NECTIN3: variants seen among roughly 807,000 people sequenced by gnomAD.
The protein encoded by NECTIN3 is nectin-3.
In NECTIN3, 8 loss-of-function variants were observed where a neutral mutation model predicts 49.4. The ratio of observed to expected loss-of-function variants is 0.16; its 90% CI spans 0.10 to 0.29. NECTIN3 has a LOEUF of 0.29. Ranked by LOEUF, NECTIN3 falls within the 10% of genes least tolerant of loss-of-function variation. The probability of loss-of-function intolerance (pLI) is 1.00; values close to 1 mark genes in which losing one functional copy is unlikely to be tolerated. For missense variants in NECTIN3, 581 were observed against 654.6 expected, an observed-to-expected ratio of 0.89 and a Z score of 1.23; for synonymous variants, 277 against 241.1, an observed-to-expected ratio of 1.15 and a Z score of -1.38.
At chr3:111,149,196 G>A (rs1350295134) in intron 7 of NECTIN3, among the ~76,000 whole-genome samples, 2 of 151,940 alleles carry the variant, frequency 1.3e-5, no homozygotes, top group Non-Finnish European at 2.9e-5. Context: ...GTATTGCTAT[G>A]TCTTTCTCTT....
chr3:111,186,965 G>A (rs1002439052), intron 7 of NECTIN3, among the ~76,000 whole-genome samples: 2 of 152,150 alleles, frequency 1.3e-5, no homozygotes, highest in Non-Finnish European at 2.9e-5. Context: ...CATATGTACA[G>A]TATTATTTAA....
At position 111,137,187 on chromosome 3, in the gene NECTIN3, T is replaced by C; in HGVS notation, c.*2972T>C. ...TGATAAATACTGCTAAAACACAGTA[T>C]ATGAACAAGTAAGAAGTTTATGTAT... On this transcript the variant is annotated 3_prime_UTR_variant, in exon 6 of 6. Transcript: ENST00000485303. The C allele has an allele frequency of 1.1e-6, 1 of 935,954 alleles. No homozygotes were observed. The highest frequency in any genetic ancestry group is 4.9e-5 in the South Asian group (1 of 20,222). The allele number at this position is 935,954 out of a possible 1,614,324, so 58.0% of individuals were successfully genotyped here.
chr3:111,154,451 G>A (rs1178063835), intron 7 of NECTIN3, among the ~76,000 whole-genome samples: 1 of 152,048 alleles, frequency 6.6e-6, no homozygotes, highest in East Asian at 1.9e-4. Context: ...AAACAAAGTT[G>A]CTATGAACAT....
At chr3:111,081,955 C>T (rs990403025) in intron 1 of NECTIN3, among the ~76,000 whole-genome samples, 2 of 152,122 alleles carry the variant, frequency 1.3e-5, no homozygotes, top group Admixed American at 1.3e-4. Context: ...TTGTATAGCT[C>T]TGGCAGAAAT....
chr3:111,151,941 T>C (rs1395198270), intron 7 of NECTIN3, among the ~76,000 whole-genome samples: 1 of 151,606 alleles, frequency 6.6e-6, no homozygotes, highest in African/African-American at 2.4e-5. Context: ...TCTTTAAGCA[T>C]AGACAAGAAA....
intron 1 of NECTIN3, among the ~76,000 whole-genome samples, chr3:111,100,561 A>G (rs2032846711): frequency 6.6e-6 from 1 of 152,126 alleles, no homozygotes; most frequent in Non-Finnish European, 1.5e-5. Flanking sequence ...AGAAAAAAAC[A>G]GCCAAAATTT....
At chr3:111,172,851 C>A (rs2035459112) in intron 7 of NECTIN3, among the ~76,000 whole-genome samples, 2 of 152,134 alleles carry the variant, frequency 1.3e-5, no homozygotes, top group African/African-American at 4.8e-5. Flanking sequence ...TTGTGTTCTA[C>A]CCTATATTAT....
At chr3:111,185,054 CT>C (rs1184926854) in intron 7 of NECTIN3, among the ~76,000 whole-genome samples, 2 of 152,198 alleles carry the variant, frequency 1.3e-5, no homozygotes, top group African/African-American at 4.8e-5. Flanking sequence ...AGCAAATTTT[CT>C]TTCTCCAACA....
chr3:111,084,482 G>T (rs978517514), intron 1 of NECTIN3, among the ~76,000 whole-genome samples: 2 of 152,146 alleles, frequency 1.3e-5, no homozygotes, highest in African/African-American at 4.8e-5. Flanking sequence ...AAGACTAGCC[G>T]ATAAAGAACA....
intron 1 of NECTIN3, among the ~76,000 whole-genome samples, chr3:111,082,906 A>G (rs988347570): frequency 4.5e-4 from 68 of 152,142 alleles, no homozygotes; most frequent in African/African-American, 1.6e-3. Context: ...AGATTCTTGT[A>G]AGGAGTGCAC....
intron 7 of NECTIN3, among the ~76,000 whole-genome samples, chr3:111,151,367 A>G (rs190469631): frequency 3.9e-5 from 6 of 151,912 alleles, no homozygotes; most frequent in Non-Finnish European, 7.4e-5. Flanking sequence ...CACAGATACT[A>G]TATTTCAGTA....
intron 7 of NECTIN3, among the ~76,000 whole-genome samples, chr3:111,164,607 A>C (rs1384898627): frequency 1.3e-5 from 2 of 152,204 alleles, no homozygotes; most frequent in Admixed American, 1.3e-4. Flanking sequence ...CCTGGGGGGA[A>C]ATCTTTTCCA....
chr3:111,072,424 C>T (rs2030839304), intron 1 of NECTIN3: 1 of 1,530,588 alleles, frequency 6.5e-7, no homozygotes, highest in Non-Finnish European at 8.7e-7. Flanking sequence ...GTGCGGATGG[C>T]CGAGGGTTGG....
At chr3:111,165,290 A>G (rs544908302) in intron 7 of NECTIN3, among the ~76,000 whole-genome samples, 3 of 151,954 alleles carry the variant, frequency 2.0e-5, no homozygotes, top group South Asian at 2.1e-4. Flanking sequence ...TGATCCGCCC[A>G]CCTCGGCCTC....
intron 1 of NECTIN3, among the ~76,000 whole-genome samples, chr3:111,099,581 G>A (rs1331906922): frequency 1.3e-5 from 2 of 152,072 alleles, no homozygotes; most frequent in South Asian, 2.1e-4. Context: ...CACTTAATAT[G>A]TGCTATGCAT....
At position 111,130,794 on chromosome 3, in the gene NECTIN3, G is replaced by T. The variant is rs2034358633; in HGVS notation, c.1070-2841G>T. Among the ~76,000 whole-genome samples the T allele has an allele frequency of 3.3e-5, 5 of 152,046 alleles. No individual in the cohort carries two copies. The South Asian group carries it at 8.3e-4, about 25-fold the overall frequency. On this transcript the variant is annotated intron_variant, in intron 5 of 5. Coordinates refer to ENST00000485303, the MANE Select transcript of NECTIN3 (RefSeq NM_015480.3). ...TATATAATAGTAATACTCTCAAGAG[G>T]TATAGTAGCTCTTTGACTAGTACTT...
In NECTIN3 at chr3:111,112,145, G is replaced by A. The variant is rs2033496750; in HGVS notation, c.276G>A (p.Glu92=). 6.2e-7 allele frequency: 1 copy of A among 1,613,692 alleles called. No homozygotes were observed. The highest frequency in any genetic ancestry group is 8.5e-7 in the Non-Finnish European group (1 of 1,179,876). ...AAACCATAACACAGATTTCATGGGA[G>A]AAGATACATGGCAAAAGTTCACAGA... ...VNETITQISW[E]KIHGKSSQTV... Residue 92 remains glutamate, a synonymous_variant, in exon 2 of 6, where the codon GAG becomes GAA. Transcript: ENST00000485303.
At chr3:111,180,244 G>A (rs75997053) in intron 7 of NECTIN3, among the ~76,000 whole-genome samples, 2 of 152,184 alleles carry the variant, frequency 1.3e-5, no homozygotes, top group East Asian at 1.9e-4. Context: ...TCCAATTTAT[G>A]TCTCAACAAA....
upstream of NECTIN3, chr3:111,192,337 G>T: frequency 6.5e-7 from 1 of 1,534,464 alleles, no homozygotes. Flanking sequence ...ACATCTTTTT[G>T]TGTTTTCTTC....
Sources: gnomAD v4.1 joint callset for allele counts (sites outside exome capture counted in the v4.1 genomes callset) on GRCh38, gnomAD v4.1.1 for gene constraint, MANE v1.5 for transcripts, NCBI Gene and HGNC (gene_info 2026-07-23, HGNC 2026-07-21) for gene names.